Variants in ATP8A2 observed in about 807,000 individuals in gnomAD.
ATP8A2 encodes ATPase phospholipid transporting 8A2, also known as phospholipid-transporting ATPase IB.
In ATP8A2, 100 loss-of-function variants were observed where a neutral mutation model predicts 165.6. The observed-to-expected ratio is 0.60, with a 90% CI of 0.51 to 0.71. The LOEUF is 0.71. Ranked by LOEUF, ATP8A2 falls within the 30% of genes least tolerant of loss-of-function variation. The pLI, the probability that ATP8A2 is intolerant of heterozygous loss-of-function variation, is 0.00. For missense variants in ATP8A2, 1,227 were observed against 1,479.5 expected (o/e 0.83, Z 2.80); for synonymous variants, 543 against 548.8 (o/e 0.99, Z 0.15).
At chr13:25,440,957 A>G (rs1287888911) in intron 1 of ATP8A2, among the ~76,000 whole-genome samples, 1 of 152,228 alleles carries the variant, frequency 6.6e-6, no homozygotes, top group Admixed American at 6.5e-5. Flanking sequence ...TGATATGTAG[A>G]TAGCAGGAAA....
At chr13:25,868,997 A>T (rs1490231865) in intron 33 of ATP8A2, among the ~76,000 whole-genome samples, 3 of 137,876 alleles carry the variant, frequency 2.2e-5, no homozygotes, top group African/African-American at 8.1e-5. Context: ...TGAACCCAGG[A>T]GGCGGAGCTT....
chr13:25,462,776 G>C (rs529379992), intron 1 of ATP8A2, among the ~76,000 whole-genome samples: 1 of 151,736 alleles, frequency 6.6e-6, no homozygotes, highest in Non-Finnish European at 1.5e-5. Flanking sequence ...AACCCACCAT[G>C]AGTCATCATC....
chr13:25,514,976 C>G lies in ATP8A2; in HGVS notation c.222-15023C>G, dbSNP rs1449125134. On this transcript the variant is annotated intron_variant, in intron 2 of 36. Transcript: ENST00000381655. ...TCCAGTTGAACATTATTCTGAGTGTCTGCGAGGGGATTTCTGGATGAGGTT... is the reference window on the plus strand; with the variant it reads ...TCCAGTTGAACATTATTCTGAGTGTGTGCGAGGGGATTTCTGGATGAGGTT... Among the ~76,000 whole-genome samples the G allele has an allele frequency of 2.0e-5, 3 of 152,286 alleles. 1 individual carries two copies. The highest frequency in any genetic ancestry group is 7.2e-5 in the African/African-American group (3 of 41,562).
At chr13:25,632,827 G>C (rs2041275325) in intron 24 of ATP8A2, among the ~76,000 whole-genome samples, 1 of 152,116 alleles carries the variant, frequency 6.6e-6, no homozygotes, top group Admixed American at 6.6e-5. Context: ...AGCTTAGCCG[G>C]GAAGCTGCCC....
chr13:25,889,021 C>G (rs929521155), intron 33 of ATP8A2, among the ~76,000 whole-genome samples: 1 of 151,990 alleles, frequency 6.6e-6, no homozygotes, highest in Non-Finnish European at 1.5e-5. Context: ...CTGTCAACGA[C>G]TATGCCAAGA....
chr13:26,000,853 T>G (rs1026996516), intron 35 of ATP8A2, among the ~76,000 whole-genome samples: 12 of 152,166 alleles, frequency 7.9e-5, no homozygotes, highest in Admixed American at 2.0e-4. Context: ...TTAATTCAAT[T>G]TTCTTTCTCA....
chr13:25,579,954 GCA>G lies in ATP8A2; in HGVS notation c.2007+12_2007+13del. ...TTACGAGATCATTGAGAAGGTAACC[GCA>G]CACAATACAGTCTTTTCAGCTCCAT... On this transcript the variant is annotated splice_region_variant and intron_variant, in intron 22 of 36. Coordinates refer to ENST00000381655, the MANE Select transcript of ATP8A2 (RefSeq NM_016529.6). The G allele has an allele frequency of 6.2e-7, 1 of 1,613,550 alleles. No homozygotes were observed. Among genetic ancestry groups the G allele is most frequent in the Non-Finnish European group, 8.5e-7 (1 of 1,179,750 alleles).
At chr13:25,595,177 G>A (rs1298783734) in intron 24 of ATP8A2, among the ~76,000 whole-genome samples, 1 of 152,190 alleles carries the variant, frequency 6.6e-6, no homozygotes, top group Non-Finnish European at 1.5e-5. Context: ...AGTTTCTAAC[G>A]TGTTTCAACG....
chr13:25,630,270 G>A (rs2041208632), intron 24 of ATP8A2, among the ~76,000 whole-genome samples: 1 of 152,152 alleles, frequency 6.6e-6, no homozygotes, highest in Non-Finnish European at 1.5e-5. Context: ...GGAAAATAAT[G>A]CATTCATAGA....
intron 35 of ATP8A2, among the ~76,000 whole-genome samples, chr13:25,982,166 A>G (rs1165674963): frequency 2.0e-5 from 3 of 152,184 alleles, no homozygotes; most frequent in Non-Finnish European, 4.4e-5. Context: ...TGTCTCACCT[A>G]TTCAGAAAGC....
intron 24 of ATP8A2, among the ~76,000 whole-genome samples, chr13:25,611,202 G>A (rs185500461): frequency 6.6e-6 from 1 of 152,228 alleles, no homozygotes; most frequent in East Asian, 1.9e-4. Context: ...AGTGGTGAAA[G>A]TGGGCATTCT....
At chr13:25,620,284 C>A (rs1432876758) in intron 24 of ATP8A2, among the ~76,000 whole-genome samples, 1 of 152,130 alleles carries the variant, frequency 6.6e-6, no homozygotes, top group African/African-American at 2.4e-5. Flanking sequence ...CTCTCACCAG[C>A]AACAGAGGGA....
At chr13:25,972,425 A>C (rs2139221103) in intron 35 of ATP8A2, among the ~76,000 whole-genome samples, 1 of 152,366 alleles carries the variant, frequency 6.6e-6, no homozygotes, top group Middle Eastern at 3.4e-3. Flanking sequence ...TCCAGAAAGC[A>C]CAGTGAAGAA....
chr13:25,451,356 A>G (rs957836870), intron 1 of ATP8A2, among the ~76,000 whole-genome samples: 3 of 152,150 alleles, frequency 2.0e-5, no homozygotes, highest in Non-Finnish European at 4.4e-5. Context: ...ATTTTCAGCT[A>G]GAAAGAGAGT....
In ATP8A2 at chr13:25,862,249, A is replaced by G. The variant is rs894586396; in HGVS notation, c.3076-52A>G. On this transcript the variant is annotated intron_variant, in intron 32 of 36. Transcript: ENST00000381655. ...TTCTGCAGCAAGTGGAGTTGGGGTG[A>G]ATCTGCCAGGCTGGTCGAGAAGCCT... is the stretch of plus-strand genomic sequence containing the variant. 6.9e-5 allele frequency: 93 copies of G among 1,357,556 alleles called. No individual in the cohort carries two copies. The East Asian group carries it at 2.1e-3, about 31-fold the overall frequency. 84.1% of individuals were successfully genotyped at this position (1,357,556 alleles called of 1,614,324 possible).
At chr13:25,594,984 G>GTA (rs58403530) in intron 24 of ATP8A2, among the ~76,000 whole-genome samples, 10,285 of 142,680 alleles carry the variant, frequency 0.072, 545 homozygotes, top group East Asian at 0.14. Context: ...GTGTGTGTGT[G>GTA]TATATATATA....
chr13:25,927,275 C>T (rs938072464), intron 33 of ATP8A2: 7 of 454,414 alleles, frequency 1.5e-5, no homozygotes, highest in African/African-American at 1.4e-4. Context: ...CATTTTATCA[C>T]CTTTGTTGAA....
intron 1 of ATP8A2, among the ~76,000 whole-genome samples, chr13:25,442,823 T>G (rs182732529): frequency 6.6e-6 from 1 of 152,316 alleles, no homozygotes; most frequent in East Asian, 1.9e-4. Flanking sequence ...TGCCAGTCCC[T>G]TGCCCATTTT....
chr13:26,015,300 G>A (rs181262922), intron 36 of ATP8A2, among the ~76,000 whole-genome samples: 1 of 152,156 alleles, frequency 6.6e-6, no homozygotes, highest in Non-Finnish European at 1.5e-5. Context: ...GTCCTGGGGT[G>A]CAGGATGGGC....
Sources: allele counts gnomAD v4.1 joint callset (sites outside exome capture counted in the v4.1 genomes callset), GRCh38; gene constraint gnomAD v4.1.1; transcripts MANE v1.5; gene names NCBI Gene and HGNC (gene_info 2026-07-23, HGNC 2026-07-21).